The following COA8 variants were observed in gnomAD, a reference collection of about 807,000 sequenced individuals.
COA8 encodes cytochrome c oxidase assembly factor 8, also known as UPF0671 protein C14orf153.
In COA8, 20 loss-of-function variants were observed where a neutral mutation model predicts 22.0. The ratio of observed to expected loss-of-function variants is 0.91; its 90% CI spans 0.64 to 1.32. The LOEUF (loss-of-function observed/expected upper bound fraction) is 1.32, where lower values mean the gene tolerates loss of function less well. Among genes scored for constraint, COA8 ranks in the 40% most tolerant of loss-of-function variants. The probability of loss-of-function intolerance (pLI) is 0.00; values close to 1 mark genes in which losing one functional copy is unlikely to be tolerated. For missense variants in COA8, 266 were observed against 230.0 expected, an observed-to-expected ratio of 1.16 and a Z score of -1.01; for synonymous variants, 105 against 79.9, an observed-to-expected ratio of 1.31 and a Z score of -1.68.
intron 3 of COA8, among the ~76,000 whole-genome samples, chr14:103,576,126 T>G (rs772524151): frequency 1.6e-4 from 25 of 152,112 alleles, no homozygotes; most frequent in Non-Finnish European, 3.2e-4. Context: ...ATCAACATGG[T>G]GAAACCCCGT....
chr14:103,563,482 T>G (rs2296482), intron 1 of COA8: 96,706 of 398,086 alleles, frequency 0.24, 11,428 homozygotes, highest in East Asian at 0.32. Context: ...GTGTGTGTGT[T>G]TTGGCTTTGT....
At chr14:103,565,168 C>G (rs1215179213) in intron 1 of COA8, among the ~76,000 whole-genome samples, 2 of 151,860 alleles carry the variant, frequency 1.3e-5, no homozygotes, top group Non-Finnish European at 2.9e-5. Flanking sequence ...CTATGCTGGC[C>G]AGGCAGGTCT....
At chr14:103,567,111 G>A (rs1238279139) in intron 1 of COA8, among the ~76,000 whole-genome samples, 1 of 152,102 alleles carries the variant, frequency 6.6e-6, no homozygotes, top group Admixed American at 6.5e-5. Context: ...GGTGGCTCGT[G>A]CCTGTAATCT....
rs1188922011 is a variant in COA8 at position 103,571,753 on chromosome 14, A to G, written c.254A>G (p.Lys85Arg). Residue 85 changes from lysine to arginine, a missense_variant, in exon 2 of 5, where the codon AAA (lysine) becomes AGA (arginine). Physicochemically the swap from Lys to Arg is conservative, Grantham distance 26. Coordinates refer to ENST00000409074, the MANE Select transcript of COA8 (RefSeq NM_001370595.2). The part of the protein sequence containing the change: ...NESPLEQKLR[K>R]LRQETQEWNQ... ...TCTCCATTGGAACAAAAGCTTAGAA[A>G]ATTAAGACAAGAAACACAAGAATGG... is the stretch of plus-strand genomic sequence containing the variant. The G allele has an allele frequency of 6.2e-7, 1 of 1,614,186 alleles. No individual in the cohort carries two copies. Among genetic ancestry groups the G allele is most frequent in the African/African-American group, 1.3e-5 (1 of 75,058 alleles).
chr14:103,585,009 G>A (rs566770818), intron 3 of COA8, among the ~76,000 whole-genome samples: 1 of 152,062 alleles, frequency 6.6e-6, no homozygotes, highest in South Asian at 2.1e-4. Context: ...ATGGTGGTGC[G>A]TGCCTGTAAT....
chr14:103,589,507 G>C (rs1363429801), intron 4 of COA8, among the ~76,000 whole-genome samples: 1 of 152,112 alleles, frequency 6.6e-6, no homozygotes, highest in African/African-American at 2.4e-5. Flanking sequence ...TACTTAAGAG[G>C]CTGAGGCAGA....
chr14:103,574,786 G>A, intron 3 of COA8: 1 of 269,866 alleles, frequency 3.7e-6, no homozygotes. Context: ...GGTCTTGCGG[G>A]CCCTGGAGAG....
chr14:103,567,568 T>C (rs939675966), intron 1 of COA8: 1 of 152,046 alleles, frequency 6.6e-6, no homozygotes, highest in Non-Finnish European at 1.5e-5. Flanking sequence ...ATTTTTTTTA[T>C]AGAGATGGGG....
rs2274267 is a variant in COA8, at chr14:103,563,112, G to A, written c.111G>A (p.Thr37=). Residue 37 remains threonine, a synonymous_variant, in exon 1 of 5, where the codon ACG becomes ACA. Transcript: ENST00000409074. ...AGCGCGGCGCCGAGCGCAGGGATAC[G>A]GCGCCCAGCGGGGTAAGCAGGGGCC... ...APERGAERRD[T]APSGVSRFCP... 412,318 of 1,539,108 alleles carry A rather than the reference G, an allele frequency of 0.27. 57,643 individuals are homozygous for A. The highest frequency in any genetic ancestry group is 0.32 in the East Asian group (13,078 of 41,412).
At chr14:103,574,333 C>T (rs1016529041) in intron 3 of COA8, 163 bp downstream of exon 3, 6 of 913,092 alleles carry the variant, frequency 6.6e-6, no homozygotes, top group Non-Finnish European at 8.9e-6. Flanking sequence ...TCTTGCACAC[C>T]CAGTTCCCAG....
intron 3 of COA8, among the ~76,000 whole-genome samples, chr14:103,584,795 C>T (rs957328123): frequency 1.3e-5 from 2 of 152,038 alleles, no homozygotes; most frequent in African/African-American, 2.4e-5. Flanking sequence ...ATTGGTTGTT[C>T]GTGTATCTTT....
At chr14:103,563,408 C>T (rs574480813) in intron 1 of COA8, 8 of 568,816 alleles carry the variant, frequency 1.4e-5, no homozygotes, top group East Asian at 3.3e-5. Flanking sequence ...TATTTGTTCC[C>T]GAGAATGATT....
At chr14:103,586,007 TCTC>T (rs1339701709) in intron 3 of COA8, among the ~76,000 whole-genome samples, 4 of 149,468 alleles carry the variant, frequency 2.7e-5, no homozygotes, top group Middle Eastern at 3.4e-3. Context: ...TTCAAGCAAT[TCTC>T]CTACCTCAGC....
intron 1 of COA8, among the ~76,000 whole-genome samples, chr14:103,563,728 G>C (rs1203184328): frequency 6.6e-6 from 1 of 152,180 alleles, no homozygotes; most frequent in Non-Finnish European, 1.5e-5. Context: ...CCGTCTGTCA[G>C]ATGAAAATGT....
chr14:103,590,584 T>C lies in COA8; in HGVS notation c.*298T>C, dbSNP rs1000965530. On this transcript the variant is annotated 3_prime_UTR_variant, in exon 5 of 5. Coordinates refer to ENST00000409074, the MANE Select transcript of COA8 (RefSeq NM_001370595.2). Reference sequence around the variant, plus strand: ...TTCAAAACAGAACTATTTAAAAATATTGGCCAGGCACGGTGGCTCACACCT... The same window carrying C: ...TTCAAAACAGAACTATTTAAAAATACTGGCCAGGCACGGTGGCTCACACCT... The C allele has an allele frequency of 7.9e-6, 2 of 251,628 alleles. No individual in the cohort carries two copies. The highest frequency in any genetic ancestry group is 1.5e-5 in the Non-Finnish European group (2 of 130,050). The allele number at this position is 251,628 out of a possible 1,614,324, so 15.6% of individuals were successfully genotyped here.
chr14:103,579,345 T>G (rs1318427288), intron 3 of COA8: 1 of 220,592 alleles, frequency 4.5e-6, no homozygotes, highest in Admixed American at 5.8e-5. Context: ...ATATTGAAAA[T>G]AAAAAATACA....
chr14:103,588,116 C>CAAA lies in COA8; in HGVS notation c.476+774_476+776dup, dbSNP rs1221577064. On this transcript the variant is annotated intron_variant, in intron 4 of 4. Transcript: ENST00000409074. ...GGGCAAGGAGAACAAAACTCCATCT[C>CAAA]AAAAAAAAAAAAAAAAAAAAAAAAC... is the stretch of plus-strand genomic sequence containing the variant. 8.5e-3 allele frequency: 545 copies of CAAA among 64,152 alleles called. 8 individuals are homozygous for CAAA. Among genetic ancestry groups the CAAA allele is most frequent in the African/African-American group, 0.02 (229 of 11,184 alleles). 4.0% of individuals were successfully genotyped at this position (64,152 alleles called of 1,614,324 possible). A position where few individuals can be genotyped will look rare whatever the true frequency, so the allele number is the denominator to read the frequency against.
At chr14:103,571,971 C>T (rs2076190965) in intron 2 of COA8, 151 bp downstream of exon 2, 6 of 643,178 alleles carry the variant, frequency 9.3e-6, no homozygotes, top group East Asian at 3.2e-5. Context: ...ACTAAAAATA[C>T]AAAAAATTAG....
At chr14:103,574,238 G>C (rs1332220182) in intron 3 of COA8, 68 bp downstream of exon 3, 2 of 1,600,566 alleles carry the variant, frequency 1.2e-6, no homozygotes, top group Admixed American at 1.7e-5. Context: ...AAAAGGGAAA[G>C]GAAGGGCGGT....
Sources: gnomAD v4.1 joint callset for allele counts (sites outside exome capture counted in the v4.1 genomes callset) on GRCh38, gnomAD v4.1.1 for gene constraint, MANE v1.5 for transcripts, NCBI Gene and HGNC (gene_info 2026-07-23, HGNC 2026-07-21) for gene names.